The following COL8A1 variants were observed in gnomAD, a reference collection of about 807,000 sequenced individuals.
The protein encoded by COL8A1 is collagen alpha-1(VIII) chain.
Under a neutral mutation model 42.7 loss-of-function variants are expected in COL8A1, and 21 were observed. That is an observed-to-expected ratio of 0.49 (90% CI 0.35 to 0.71). The LOEUF (loss-of-function observed/expected upper bound fraction) is 0.71, where lower values mean the gene tolerates loss of function less well. Ranked by LOEUF, COL8A1 falls within the 30% of genes least tolerant of loss-of-function variation. The pLI is 0.01. For synonymous variants in COL8A1, 367 were observed against 369.1 expected, an observed-to-expected ratio of 0.99 and a Z score of 0.06; for missense variants, 788 against 962.4, an observed-to-expected ratio of 0.82 and a Z score of 2.40.
chr3:99,687,157 C>G (rs1314405993), intron 1 of COL8A1, among the ~76,000 whole-genome samples: 1 of 152,170 alleles, frequency 6.6e-6, no homozygotes, highest in Non-Finnish European at 1.5e-5. Context: ...AACTGTCCAT[C>G]TCTGAAAATC....
chr3:99,663,362 A>G (rs1275133493), intron 1 of COL8A1, among the ~76,000 whole-genome samples: 1 of 152,082 alleles, frequency 6.6e-6, no homozygotes, highest in Non-Finnish European at 1.5e-5. Flanking sequence ...CGGTGCCAGA[A>G]CAGGGCTCAC....
At chr3:99,688,134 T>C (rs80014567) in intron 1 of COL8A1, among the ~76,000 whole-genome samples, 5,330 of 152,324 alleles carry the variant, frequency 0.035, 150 homozygotes, top group East Asian at 0.062. Context: ...TTATGTTATA[T>C]GTGGAAACAC....
chr3:99,710,309 G>A (rs896603584), intron 1 of COL8A1, among the ~76,000 whole-genome samples: 1 of 152,056 alleles, frequency 6.6e-6, no homozygotes, highest in Non-Finnish European at 1.5e-5. Flanking sequence ...ATCATGGGGA[G>A]GAACAGGTTG....
chr3:99,795,567 C>T lies in COL8A1; in HGVS notation c.1666C>T (p.Pro556Ser). The T allele has an allele frequency of 1.2e-6, 2 of 1,609,720 alleles. No homozygotes were observed. The highest frequency in any genetic ancestry group is 1.7e-6 in the Non-Finnish European group (2 of 1,177,592). Residue 556 changes from proline (P) to serine (S), a missense_variant, in exon 4 of 4, where the codon CCT becomes TCT. Physicochemically the swap from Pro to Ser is moderately conservative, Grantham distance 74. Transcript: ENST00000652472. ...TGGTGCCCTTGGTCCTCAAGGCCAG[C>T]CTGGCCTTCCAGGACCCCCAGGCCC... ...KPGALGPQGQ[P>S]GLPGPPGPPG...
chr3:99,688,093 T>G (rs1486029625), intron 1 of COL8A1, among the ~76,000 whole-genome samples: 1 of 152,234 alleles, frequency 6.6e-6, no homozygotes, highest in Non-Finnish European at 1.5e-5. Flanking sequence ...CTGTGTTTTG[T>G]GTTTTAATAC....
At chr3:99,673,184 T>C (rs981435588) in intron 1 of COL8A1, among the ~76,000 whole-genome samples, 5 of 151,888 alleles carry the variant, frequency 3.3e-5, no homozygotes, top group Admixed American at 1.3e-4. Context: ...GATTTTTTTT[T>C]AACAATTAAG....
At chr3:99,670,105 C>T (rs957990796) in intron 1 of COL8A1, among the ~76,000 whole-genome samples, 1 of 152,014 alleles carries the variant, frequency 6.6e-6, no homozygotes. Flanking sequence ...GAAATATATA[C>T]ATATTCTTGT....
chr3:99,681,506 G>A (rs902282323), intron 1 of COL8A1, among the ~76,000 whole-genome samples: 1 of 152,194 alleles, frequency 6.6e-6, no homozygotes, highest in African/African-American at 2.4e-5. Flanking sequence ...TTTAAAGGAG[G>A]TAGAAAGAGT....
At chr3:99,787,339 A>G (rs1017991241) in intron 2 of COL8A1, among the ~76,000 whole-genome samples, 5 of 152,224 alleles carry the variant, frequency 3.3e-5, no homozygotes, top group Admixed American at 3.3e-4. Context: ...TTCTTGACAC[A>G]TGAATGAATG....
intron 1 of COL8A1, among the ~76,000 whole-genome samples, chr3:99,696,964 A>G (rs1300285679): frequency 1.3e-5 from 2 of 149,570 alleles, no homozygotes; most frequent in Non-Finnish European, 3.0e-5. Context: ...TCCCCACCGG[A>G]AATATACACA....
At chr3:99,783,634 C>A (rs1032939698) in intron 2 of COL8A1, among the ~76,000 whole-genome samples, 1 of 152,172 alleles carries the variant, frequency 6.6e-6, no homozygotes, top group Non-Finnish European at 1.5e-5. Context: ...ACTCACAGTT[C>A]CACATGGCTG....
At chr3:99,687,464 G>A (rs1939098551) in intron 1 of COL8A1, among the ~76,000 whole-genome samples, 2 of 152,176 alleles carry the variant, frequency 1.3e-5, no homozygotes. Flanking sequence ...TGTCACAAAT[G>A]GAGAGGAGTA....
chr3:99,787,176 AT>A (rs1302372367), intron 2 of COL8A1, among the ~76,000 whole-genome samples: 3 of 152,234 alleles, frequency 2.0e-5, no homozygotes, highest in East Asian at 3.8e-4. Flanking sequence ...GCTGATGAGC[AT>A]TTAAAATATC....
intron 1 of COL8A1, among the ~76,000 whole-genome samples, chr3:99,700,572 G>A (rs1400745223): frequency 6.6e-6 from 1 of 152,054 alleles, no homozygotes; most frequent in African/African-American, 2.4e-5. Context: ...TGTCTCAGTG[G>A]GCTTAACCTC....
intron 1 of COL8A1, among the ~76,000 whole-genome samples, chr3:99,654,771 G>A (rs1394524393): frequency 6.6e-6 from 1 of 151,410 alleles, no homozygotes; most frequent in African/African-American, 2.4e-5. Flanking sequence ...CTGGACAACA[G>A]AGTAAGACCC....
intron 2 of COL8A1, among the ~76,000 whole-genome samples, chr3:99,769,808 A>C (rs1941542389): frequency 6.6e-6 from 1 of 152,106 alleles, no homozygotes; most frequent in African/African-American, 2.4e-5. Flanking sequence ...AGTCCCAGCT[A>C]CTCAAGAGGC....
At chr3:99,726,186 T>C (rs1237506066) in intron 1 of COL8A1, among the ~76,000 whole-genome samples, 3 of 152,234 alleles carry the variant, frequency 2.0e-5, no homozygotes, top group Admixed American at 6.5e-5. Flanking sequence ...TACTTTTTCA[T>C]GTGTTTTTTG....
chr3:99,641,073 T>G (rs1937500139), intron 1 of COL8A1, among the ~76,000 whole-genome samples: 1 of 152,168 alleles, frequency 6.6e-6, no homozygotes, highest in Non-Finnish European at 1.5e-5. Flanking sequence ...CTGTCAAAAT[T>G]ATAAAATGAT....
intron 2 of COL8A1, among the ~76,000 whole-genome samples, chr3:99,788,798 T>C (rs1280866694): frequency 1.3e-5 from 2 of 152,230 alleles, no homozygotes; most frequent in Non-Finnish European, 2.9e-5. Context: ...GGGATGTATA[T>C]GATATGTGCA....
Sources: allele counts gnomAD v4.1 joint callset (sites outside exome capture counted in the v4.1 genomes callset), GRCh38; gene constraint gnomAD v4.1.1; transcripts MANE v1.5; gene names NCBI Gene and HGNC (gene_info 2026-07-23, HGNC 2026-07-21).